The following ANXA7 variants were observed in gnomAD, a reference collection of about 807,000 sequenced individuals.
ANXA7 encodes the protein annexin A7, also known as annexin VII.
Under a neutral mutation model 64.9 loss-of-function variants are expected in ANXA7, and 55 were observed. The ratio of observed to expected loss-of-function variants is 0.85; its 90% confidence interval spans 0.68 to 1.06. The LOEUF is 1.06. Ranked by LOEUF, ANXA7 falls within the 50% of genes least tolerant of loss-of-function variation. The pLI, the probability that ANXA7 is intolerant of heterozygous loss-of-function variation, is 0.00. For missense variants in ANXA7, 548 were observed against 582.1 expected (o/e 0.94, Z 0.60); for synonymous variants, 200 against 192.4 (o/e 1.04, Z -0.33).
In ANXA7 at chr10:73,400,868, A is replaced by G; in HGVS notation, c.-1-11T>C. On this transcript the variant is annotated splice_polypyrimidine_tract_variant and intron_variant, in intron 1 of 12. Transcript: ENST00000372921. The stretch of plus-strand genomic sequence containing the variant: ...CCTGGGTATGACATTCTGTAACAAC[A>G]ATAAAAAATGTCCTCTGTAAGTTTT... 1.3e-6 allele frequency: 2 copies of G among 1,589,336 alleles called. No homozygotes were observed. The highest frequency in any genetic ancestry group is 1.7e-6 in the Non-Finnish European group (2 of 1,167,604).
intron 12 of ANXA7, among the ~76,000 whole-genome samples, chr10:73,377,930 T>TGTGTGTGC (rs542289005): frequency 0.011 from 1,531 of 142,574 alleles, 42 homozygotes; most frequent in East Asian, 0.04. Context: ...TGTGTGTGTG[T>TGTGTGTGC]GCGCGCGCGT....
chr10:73,408,597 T>C (rs1159651285), intron 1 of ANXA7, among the ~76,000 whole-genome samples: 1 of 152,066 alleles, frequency 6.6e-6, no homozygotes, highest in Non-Finnish European at 1.5e-5. Context: ...TCAACAAAAA[T>C]GAAAATAAGG....
At chr10:73,387,922 G>T in intron 6 of ANXA7, 139 bp from the exon 7 acceptor site, 1 of 669,804 alleles carries the variant, frequency 1.5e-6, no homozygotes, top group Non-Finnish European at 2.6e-6. Flanking sequence ...TGTGATCTAG[G>T]CTGACTGCAA....
intron 1 of ANXA7, among the ~76,000 whole-genome samples, chr10:73,413,298 G>A (rs1037489257): frequency 6.6e-6 from 1 of 152,166 alleles, no homozygotes; most frequent in Non-Finnish European, 1.5e-5. Context: ...GACACATTTA[G>A]CAGATTAGCT....
chr10:73,401,263 A>AACAC (rs5786109), intron 1 of ANXA7, among the ~76,000 whole-genome samples: 51 of 148,130 alleles, frequency 3.4e-4, no homozygotes, highest in African/African-American at 7.7e-4. Flanking sequence ...ACACATACAC[A>AACAC]ACACACACAC....
At chr10:73,386,530 C>T (rs2055373315) in intron 7 of ANXA7, among the ~76,000 whole-genome samples, 1 of 151,932 alleles carries the variant, frequency 6.6e-6, no homozygotes, top group Non-Finnish European at 1.5e-5. Context: ...AAAGAAACTT[C>T]AGAGTAGCTG....
At chr10:73,384,786 G>T (rs1320994304) in intron 7 of ANXA7, among the ~76,000 whole-genome samples, 2 of 152,064 alleles carry the variant, frequency 1.3e-5, no homozygotes, top group Non-Finnish European at 2.9e-5. Context: ...AAGTAGCATA[G>T]AAATAAGTAA....
At chr10:73,390,962 G>C (rs1028680415) in intron 5 of ANXA7, among the ~76,000 whole-genome samples, 1 of 150,740 alleles carries the variant, frequency 6.6e-6, no homozygotes, top group African/African-American at 2.4e-5. Flanking sequence ...ACGAGGTCAA[G>C]AGATTGAGAC....
intron 12 of ANXA7, chr10:73,377,585 A>G (rs1408930090): frequency 2.0e-5 from 3 of 151,694 alleles, no homozygotes; most frequent in Non-Finnish European, 4.4e-5. Context: ...AAAAAAAAAA[A>G]AAAAAAAAAA....
intron 5 of ANXA7, among the ~76,000 whole-genome samples, chr10:73,394,411 CGT>C (rs1332666634): frequency 6.6e-6 from 1 of 152,090 alleles, no homozygotes; most frequent in Non-Finnish European, 1.5e-5. Flanking sequence ...CACATGCACA[CGT>C]ATGTTTATTG....
chr10:73,380,265 C>A, intron 9 of ANXA7, 64 bp from the exon 10 acceptor site: 1 of 1,474,016 alleles, frequency 6.8e-7, no homozygotes, highest in Non-Finnish European at 9.2e-7. Flanking sequence ...TTTTTTTTTC[C>A]AATCTAGTTC....
At chr10:73,381,414 C>T (rs186595306) in intron 9 of ANXA7, 1 of 152,200 alleles carries the variant, frequency 6.6e-6, no homozygotes, top group South Asian at 2.1e-4. Context: ...AACAGAAAGA[C>T]AAACCCAAAC....
At chr10:73,387,849 T>A in intron 6 of ANXA7, 66 bp from the exon 7 acceptor site, 6 of 719,900 alleles carry the variant, frequency 8.3e-6, no homozygotes, top group Middle Eastern at 3.0e-4. Context: ...AGGTCATCTT[T>A]TTTTTTTTTT....
intron 7 of ANXA7, among the ~76,000 whole-genome samples, chr10:73,384,474 T>C (rs2055329618): frequency 6.6e-6 from 1 of 151,510 alleles, no homozygotes; most frequent in Non-Finnish European, 1.5e-5. Flanking sequence ...TGATCTCGGC[T>C]AACTGCAACC....
At chr10:73,380,713 G>A (rs1321565433) in intron 9 of ANXA7, among the ~76,000 whole-genome samples, 5 of 152,150 alleles carry the variant, frequency 3.3e-5, no homozygotes, top group Non-Finnish European at 5.9e-5. Context: ...ATGAGGTTAT[G>A]TTAAAAATGA....
rs778453236 is a variant in ANXA7, at chr10:73,396,562, A to ATCT, written c.389_391dup (p.Gln130_Met131insLys). 4 of 1,610,862 alleles carry ATCT rather than the reference A, an allele frequency of 2.5e-6. No individual in the cohort carries two copies. The highest frequency in any genetic ancestry group is 3.4e-6 in the Non-Finnish European group (4 of 1,178,468). ...TTGTCCTCCAGGATACTGAGAAGGC[A>ATCT]TCTGTCCTCCAGGAAAGCCACCTAT... On this transcript the variant is annotated inframe_insertion, in exon 5 of 13. Coordinates refer to ENST00000372921, the MANE Select transcript of ANXA7 (RefSeq NM_001156.5).
intron 4 of ANXA7, 115 bp from the exon 5 acceptor site, chr10:73,396,698 A>C: frequency 1.6e-6 from 1 of 614,394 alleles, no homozygotes; most frequent in South Asian, 3.0e-5. Context: ...TCACACTATG[A>C]TACTTATGAG....
At chr10:73,399,949 C>T (rs891304774) in intron 2 of ANXA7, among the ~76,000 whole-genome samples, 1 of 152,104 alleles carries the variant, frequency 6.6e-6, no homozygotes, top group Non-Finnish European at 1.5e-5. Context: ...TGAGACAAGC[C>T]TGGCCAACAT....
At chr10:73,405,094 T>C (rs1462024278) in intron 1 of ANXA7, among the ~76,000 whole-genome samples, 4 of 151,932 alleles carry the variant, frequency 2.6e-5, no homozygotes, top group African/African-American at 9.7e-5. Context: ...ATCCAAAAAA[T>C]TAGCCGGGTG....
Sources: gnomAD v4.1 joint callset for allele counts (sites outside exome capture counted in the v4.1 genomes callset) on GRCh38, gnomAD v4.1.1 for gene constraint, MANE v1.5 for transcripts, NCBI Gene and HGNC (gene_info 2026-07-23, HGNC 2026-07-21) for gene names.